Variants in LRRC4B observed in about 807,000 individuals in gnomAD.
The protein encoded by LRRC4B is leucine rich repeat containing 4B.
A neutral mutation model predicts 7.3 loss-of-function variants in LRRC4B; 1 was observed. That is an observed-to-expected ratio of 0.14 (90% CI 0.05 to 0.65). The LOEUF is 0.65. Among genes scored for constraint, LRRC4B ranks in the 30% least tolerant of loss-of-function variants. The probability of loss-of-function intolerance (pLI) is 0.84; values close to 1 mark genes in which losing one functional copy is unlikely to be tolerated. For synonymous variants in LRRC4B, 500 were observed against 499.2 expected (o/e 1.00, Z -0.02); for missense variants, 730 against 1,041.6 (o/e 0.70, Z 4.12).
At chr19:50,522,697 C>T (rs906466131) in intron 2 of LRRC4B, among the ~76,000 whole-genome samples, 11 of 152,200 alleles carry the variant, frequency 7.2e-5, no homozygotes, top group Admixed American at 3.9e-4. Flanking sequence ...AGGCTGGTCT[C>T]GAACTCCTGG....
At chr19:50,559,906 GGC>G (rs1488445347) in intron 1 of LRRC4B, among the ~76,000 whole-genome samples, 8 of 152,216 alleles carry the variant, frequency 5.3e-5, no homozygotes, top group Non-Finnish European at 4.4e-5. Flanking sequence ...GGCTGAGGCG[GGC>G]AGATCACTTG....
chr19:50,530,664 G>A (rs564701970), intron 2 of LRRC4B, among the ~76,000 whole-genome samples: 11 of 152,206 alleles, frequency 7.2e-5, no homozygotes, highest in Non-Finnish European at 1.5e-4. Context: ...ACTCCGCTCA[G>A]GGCTTGGCAC....
chr19:50,566,620 G>C (rs987556046), intron 1 of LRRC4B, among the ~76,000 whole-genome samples: 2 of 151,540 alleles, frequency 1.3e-5, no homozygotes, highest in Non-Finnish European at 2.9e-5. Context: ...CTGGAGACTC[G>C]AGTCCTGGAG....
In LRRC4B at chr19:50,568,191, C is replaced by A. The variant is rs1261388246; in HGVS notation, c.-283G>T. The stretch of plus-strand genomic sequence containing the variant: ...GCCTCCTCGCCTCGCGCCCGCCTGC[C>A]GTCCGGCCCCGCGCCCTCGCCCGCC... On this transcript the variant is annotated 5_prime_UTR_variant, in exon 1 of 3. Transcript: ENST00000652263. 6.5e-6 allele frequency: 1 copy of A among 153,340 alleles called. No homozygotes were observed. Among genetic ancestry groups the A allele is most frequent in the South Asian group, 1.8e-4 (1 of 5,538 alleles). The allele number at this position is 153,340 out of a possible 1,614,324, so 9.5% of individuals were successfully genotyped here. A position where few individuals can be genotyped will look rare whatever the true frequency, so the allele number is the denominator to read the frequency against.
At chr19:50,539,668 C>T (rs1352771743) in intron 2 of LRRC4B, among the ~76,000 whole-genome samples, 1 of 151,934 alleles carries the variant, frequency 6.6e-6, no homozygotes, top group African/African-American at 2.4e-5. Flanking sequence ...GCAGGTGGAT[C>T]ACAAGGTCAG....
At chr19:50,528,403 G>A (rs1338635069) in intron 2 of LRRC4B, among the ~76,000 whole-genome samples, 1 of 152,008 alleles carries the variant, frequency 6.6e-6, no homozygotes, top group African/African-American at 2.4e-5. Flanking sequence ...GGACTGCAGT[G>A]GTGCGATCTC....
Position 50,555,037 on chromosome 19 carries a change from C to T in LRRC4B, c.-35-6164G>A, listed in dbSNP as rs1328147349. 2.0e-5 allele frequency among the ~76,000 whole-genome samples: 3 copies of T among 152,208 alleles called. No homozygotes were observed. The highest frequency in any genetic ancestry group is 3.9e-4 in the East Asian group (2 of 5,188). On this transcript the variant is annotated intron_variant, in intron 1 of 2. Coordinates refer to ENST00000652263, the MANE Select transcript of LRRC4B (RefSeq NM_001080457.2). This position sits in a 1 kb window ranked among gnomAD's most constrained non-coding sequence, Gnocchi z 5.2. The stretch of plus-strand genomic sequence containing the variant: ...CACCCGCACTGCACAGGATATCACA[C>T]GCCCGACACCCCACCACGGCTTCAC...
rs377731558 is a variant in LRRC4B at position 50,543,054 on chromosome 19, C to T, written c.297+5488G>A. Among the ~76,000 whole-genome samples, 50 of 152,196 alleles carry T rather than the reference C, an allele frequency of 3.3e-4. 1 individual carries two copies. In the South Asian group the frequency reaches 0.01, roughly 32 times the overall value. ...GGGAGGGCGTCGCAGGGATTCGCGT[C>T]GGCTCCCACCGACAGATGGCTGCAG... On this transcript the variant is annotated intron_variant, in intron 2 of 2. Coordinates refer to ENST00000652263, the MANE Select transcript of LRRC4B (RefSeq NM_001080457.2).
chr19:50,538,901 T>C (rs1419249033), intron 2 of LRRC4B, among the ~76,000 whole-genome samples: 2 of 150,218 alleles, frequency 1.3e-5, no homozygotes, highest in Non-Finnish European at 3.0e-5. Context: ...CCGCCTTTTT[T>C]TTTTCAAGAC....
intron 2 of LRRC4B, among the ~76,000 whole-genome samples, chr19:50,525,069 C>A (rs1980746440): frequency 6.6e-6 from 1 of 152,236 alleles, no homozygotes; most frequent in African/African-American, 2.4e-5. Context: ...CTCACACCCA[C>A]CCATCGCCGT....
chr19:50,562,857 C>T (rs558678089), intron 1 of LRRC4B, among the ~76,000 whole-genome samples: 2 of 151,850 alleles, frequency 1.3e-5, no homozygotes, highest in South Asian at 4.2e-4. Flanking sequence ...TCTCCTGCCT[C>T]GGCCCCCTGA....
At position 50,548,453 on chromosome 19, in the gene LRRC4B, T is replaced by C. The variant is rs1032916412; in HGVS notation, c.297+89A>G. On this transcript the variant is annotated intron_variant, in intron 2 of 2. Transcript: ENST00000652263. The surrounding 1 kb of genome is among the most constrained non-coding windows in gnomAD (Gnocchi z 6.8). ...GGTGCCGGAGACGGGGAAGCCCCGGTGTGGGGAGGCCCAGAAGGGATGGGC... is the reference window on the plus strand; with the variant it reads ...GGTGCCGGAGACGGGGAAGCCCCGGCGTGGGGAGGCCCAGAAGGGATGGGC... The C allele has an allele frequency of 1.2e-5, 18 of 1,489,610 alleles. No individual in the cohort carries two copies. Among genetic ancestry groups the C allele is most frequent in the Non-Finnish European group, 1.6e-5 (18 of 1,109,156 alleles). The allele number at this position is 1,489,610 out of a possible 1,614,324, so 92.3% of individuals were successfully genotyped here. A position where few individuals can be genotyped will look rare whatever the true frequency, so the allele number is the denominator to read the frequency against.
chr19:50,554,787 C>G (rs1035710484), intron 1 of LRRC4B, among the ~76,000 whole-genome samples: 4 of 152,222 alleles, frequency 2.6e-5, no homozygotes, highest in African/African-American at 7.2e-5. Flanking sequence ...TCCCAGCTAG[C>G]AAAGCTGAGA....
intron 2 of LRRC4B, among the ~76,000 whole-genome samples, chr19:50,529,077 C>T (rs539873753): frequency 1.3e-5 from 2 of 152,272 alleles, no homozygotes; most frequent in East Asian, 3.9e-4. Context: ...CCCCCCAGAG[C>T]TTGCATTTCT....
intron 2 of LRRC4B, among the ~76,000 whole-genome samples, chr19:50,527,573 C>A (rs1980867178): frequency 6.6e-6 from 1 of 151,940 alleles, no homozygotes; most frequent in Admixed American, 6.6e-5. Flanking sequence ...TTTCTTACAT[C>A]ATGAATAGTG....
At chr19:50,539,780 G>A (rs1018195806) in intron 2 of LRRC4B, among the ~76,000 whole-genome samples, 9 of 151,600 alleles carry the variant, frequency 5.9e-5, no homozygotes, top group Admixed American at 5.3e-4. Flanking sequence ...CCAGCTACTC[G>A]GGAGGCTGAG....
chr19:50,560,678 C>T (rs1030710987), intron 1 of LRRC4B, among the ~76,000 whole-genome samples: 4 of 152,230 alleles, frequency 2.6e-5, no homozygotes, highest in East Asian at 1.9e-4. Flanking sequence ...CTGTGTCCCC[C>T]GCCCCAGGCT....
At chr19:50,525,052 C>T (rs899103802) in intron 2 of LRRC4B, among the ~76,000 whole-genome samples, 20 of 152,224 alleles carry the variant, frequency 1.3e-4, no homozygotes, top group Non-Finnish European at 1.9e-4. Context: ...CCGTCTCGCT[C>T]GGCCACCTCA....
chr19:50,544,748 A>G (rs1400790480), intron 2 of LRRC4B, among the ~76,000 whole-genome samples: 1 of 151,926 alleles, frequency 6.6e-6, no homozygotes, highest in African/African-American at 2.4e-5. Flanking sequence ...TTCATTCTGT[A>G]ATAAGTAATT....
Sources: allele counts gnomAD v4.1 joint callset (sites outside exome capture counted in the v4.1 genomes callset), GRCh38; gene constraint gnomAD v4.1.1; non-coding constraint Gnocchi (gnomAD v3.1); transcripts MANE v1.5; gene names NCBI Gene and HGNC (gene_info 2026-07-23, HGNC 2026-07-21).